The following KCNAB1 variants were observed in gnomAD, a reference collection of about 807,000 sequenced individuals.
KCNAB1 encodes the protein voltage-gated potassium channel subunit beta-1.
KCNAB1 carries 35 observed loss-of-function variants against 64.6 expected under a neutral mutation model. That is an observed-to-expected ratio of 0.54 (90% CI 0.41 to 0.72). The LOEUF (loss-of-function observed/expected upper bound fraction) is 0.72, where lower values mean the gene tolerates loss of function less well. KCNAB1 is among the 30% of genes least tolerant of loss of function. The probability of loss-of-function intolerance (pLI) is 0.00; values close to 1 mark genes in which losing one functional copy is unlikely to be tolerated. For missense variants in KCNAB1, 401 were observed against 512.9 expected, an observed-to-expected ratio of 0.78 and a Z score of 2.11; for synonymous variants, 177 against 183.8, an observed-to-expected ratio of 0.96 and a Z score of 0.30.
chr3:156,445,838 G>T (rs1409258214), intron 2 of KCNAB1, among the ~76,000 whole-genome samples: 1 of 152,276 alleles, frequency 6.6e-6, no homozygotes, highest in Middle Eastern at 3.4e-3. Context: ...TAGGAGAAGA[G>T]TAAATGGAAT....
At chr3:156,161,966 A>T (rs1716106566) in intron 1 of KCNAB1, among the ~76,000 whole-genome samples, 1 of 152,268 alleles carries the variant, frequency 6.6e-6, no homozygotes, top group South Asian at 2.1e-4. Context: ...TGCTTATGTT[A>T]AAAACAAAAC....
chr3:156,371,412 C>T (rs183109439), intron 1 of KCNAB1, among the ~76,000 whole-genome samples: 5 of 152,258 alleles, frequency 3.3e-5, no homozygotes, highest in Admixed American at 3.3e-4. Flanking sequence ...TTCTAACATC[C>T]CCAGCCTTCC....
At chr3:156,150,973 C>T (rs746720096) in intron 1 of KCNAB1, among the ~76,000 whole-genome samples, 3 of 152,182 alleles carry the variant, frequency 2.0e-5, no homozygotes, top group African/African-American at 4.8e-5. Flanking sequence ...CTGAGCTACA[C>T]CACAGACCTC....
chr3:156,217,438 A>G (rs1309919396), intron 1 of KCNAB1, among the ~76,000 whole-genome samples: 1 of 152,226 alleles, frequency 6.6e-6, no homozygotes, highest in African/African-American at 2.4e-5. Flanking sequence ...TCATTTCCCT[A>G]GTTTTAAAAA....
In KCNAB1 at chr3:156,305,339, A is replaced by C. The variant is rs377391395; in HGVS notation, c.276-116277A>C. On this transcript the variant is annotated intron_variant, in intron 1 of 13. Transcript: ENST00000490337. ...TGTTTTAATCATCCCCAGTCCTAGC[A>C]CGGTGGCTTGGTATGTTGTAGGTGA... is the stretch of plus-strand genomic sequence containing the variant. 2.6e-5 allele frequency among the ~76,000 whole-genome samples: 4 copies of C among 152,212 alleles called. No homozygotes were observed. The East Asian group carries it at 7.7e-4, about 29-fold the overall frequency.
chr3:156,442,729 GCCTCTGC>G (rs1224201926), intron 2 of KCNAB1, among the ~76,000 whole-genome samples: 6 of 152,150 alleles, frequency 3.9e-5, no homozygotes, highest in African/African-American at 1.4e-4. Flanking sequence ...GCTACCCTCT[GCCTCTGC>G]CCTCCCAGCT....
At chr3:156,530,006 G>A (rs2108422158) in intron 12 of KCNAB1, among the ~76,000 whole-genome samples, 1 of 152,324 alleles carries the variant, frequency 6.6e-6, no homozygotes, top group East Asian at 1.9e-4. Flanking sequence ...GACACAGCAA[G>A]AAGGTGACTG....
intron 1 of KCNAB1, among the ~76,000 whole-genome samples, chr3:156,330,960 A>T (rs963788540): frequency 6.6e-6 from 1 of 152,092 alleles, no homozygotes; most frequent in East Asian, 1.9e-4. Context: ...ACTACTTTCT[A>T]AAAACAAAAA....
chr3:156,333,340 A>G (rs1723470212), intron 1 of KCNAB1, among the ~76,000 whole-genome samples: 1 of 117,780 alleles, frequency 8.5e-6, no homozygotes, highest in Admixed American at 8.4e-5. Flanking sequence ...ACACACACAC[A>G]CATACACACA....
chr3:156,214,660 C>T (rs1484799162), intron 1 of KCNAB1, among the ~76,000 whole-genome samples: 1 of 152,160 alleles, frequency 6.6e-6, no homozygotes, highest in Non-Finnish European at 1.5e-5. Context: ...ATTCCAAGGC[C>T]ATCTACAGGC....
intron 1 of KCNAB1, among the ~76,000 whole-genome samples, chr3:156,412,230 C>A (rs1714719580): frequency 2.0e-5 from 3 of 152,152 alleles, no homozygotes; most frequent in Admixed American, 2.0e-4. Flanking sequence ...GATCTTATAT[C>A]TCACAAAGTT....
intron 1 of KCNAB1, among the ~76,000 whole-genome samples, chr3:156,144,446 C>T (rs1367961819): frequency 6.6e-6 from 1 of 152,156 alleles, no homozygotes; most frequent in Non-Finnish European, 1.5e-5. Context: ...TACACAGACT[C>T]TATGTAATAA....
In KCNAB1 at chr3:156,452,881, A is replaced by G. The variant is rs1159738133; in HGVS notation, c.320-18A>G. On this transcript the variant is annotated intron_variant, in intron 2 of 13. Coordinates refer to ENST00000490337, the MANE Select transcript of KCNAB1 (RefSeq NM_172160.3). This position sits in a 1 kb window ranked among gnomAD's most constrained non-coding sequence, Gnocchi z 4.6. ...AAAAATGATGATGAATAATATGCAA[A>G]TATTTATTATTTTCTAGGAACATGG... 6.4e-7 allele frequency: 1 copy of G among 1,559,996 alleles called. No homozygotes were observed. Among genetic ancestry groups the G allele is most frequent in the Admixed American group, 1.8e-5 (1 of 55,926 alleles).
intron 1 of KCNAB1, among the ~76,000 whole-genome samples, chr3:156,169,794 G>A (rs577748597): frequency 2.6e-5 from 4 of 152,234 alleles, no homozygotes; most frequent in South Asian, 2.1e-4. Context: ...CTTCGCCTTC[G>A]GCCATGATTG....
chr3:156,305,162 C>A (rs1005601017), intron 1 of KCNAB1, among the ~76,000 whole-genome samples: 1 of 151,906 alleles, frequency 6.6e-6, no homozygotes, highest in East Asian at 1.9e-4. Flanking sequence ...ACCTGAAGTA[C>A]CAATTACTAT....
intron 1 of KCNAB1, among the ~76,000 whole-genome samples, chr3:156,201,668 C>A (rs369892376): frequency 6.6e-6 from 1 of 152,208 alleles, no homozygotes; most frequent in Non-Finnish European, 1.5e-5. Context: ...AGGGGAAGTG[C>A]AGTGCACTCA....
Position 156,457,443 on chromosome 3 carries a change from C to T in KCNAB1, c.358-10C>T. On this transcript the variant is annotated splice_polypyrimidine_tract_variant and intron_variant, in intron 3 of 13. Transcript: ENST00000490337. ...TGGCTTTTCTGAGTGACCTTTCTCT[C>T]CCCTTGCAGGTTGCTGAACGGCTGA... The T allele has an allele frequency of 6.2e-7, 1 of 1,613,680 alleles. No homozygotes were observed. Among genetic ancestry groups the T allele is most frequent in the Non-Finnish European group, 8.5e-7 (1 of 1,179,674 alleles).
At chr3:156,374,467 G>A (rs1234633568) in intron 1 of KCNAB1, among the ~76,000 whole-genome samples, 1 of 90,138 alleles carries the variant, frequency 1.1e-5, no homozygotes, top group Non-Finnish European at 2.2e-5. Flanking sequence ...ATGGGAGTTT[G>A]CACATACAAA....
intron 1 of KCNAB1, among the ~76,000 whole-genome samples, chr3:156,289,930 C>G (rs1198648645): frequency 6.6e-6 from 1 of 152,128 alleles, no homozygotes; most frequent in African/African-American, 2.4e-5. Flanking sequence ...CTGCCTTCTT[C>G]CTCTCCTGCT....
Sources: gnomAD v4.1 joint callset for allele counts (sites outside exome capture counted in the v4.1 genomes callset) on GRCh38, gnomAD v4.1.1 for gene constraint, Gnocchi (gnomAD v3.1) non-coding constraint, MANE v1.5 for transcripts, NCBI Gene and HGNC (gene_info 2026-07-23, HGNC 2026-07-21) for gene names.